LMAN1: variants seen among roughly 807,000 people sequenced by gnomAD.
The protein encoded by LMAN1 is lectin, mannose binding 1, also known as protein ERGIC-53.
A neutral mutation model predicts 67.8 loss-of-function variants in LMAN1; 32 were observed. The ratio of observed to expected loss-of-function variants is 0.47; its 90% CI spans 0.36 to 0.63. The LOEUF is 0.63. Among genes scored for constraint, LMAN1 ranks in the 30% least tolerant of loss-of-function variants. The pLI is 0.00. For missense variants in LMAN1, 632 were observed against 628.2 expected (o/e 1.01, Z -0.06); for synonymous variants, 235 against 219.3 (o/e 1.07, Z -0.63).
At chr18:59,355,705 A>C in intron 1 of LMAN1, 47 bp from the exon 2 acceptor site, 1 of 1,586,538 alleles carries the variant, frequency 6.3e-7, no homozygotes, top group Non-Finnish European at 8.6e-7. Flanking sequence ...TAATTAGGTA[A>C]AACTCAATGA....
chr18:59,333,469 T>C, intron 10 of LMAN1: 1 of 486,310 alleles, frequency 2.1e-6, no homozygotes, highest in Non-Finnish European at 3.7e-6. Context: ...AAATACCATG[T>C]AGAAAATACT....
At chr18:59,344,336 C>T (rs779516435) in intron 8 of LMAN1, among the ~76,000 whole-genome samples, 21 of 152,256 alleles carry the variant, frequency 1.4e-4, no homozygotes, top group African/African-American at 4.8e-4. Context: ...AAGATACTTG[C>T]ACTTATACGT....
In LMAN1 at chr18:59,329,314, TA is replaced by T. The variant is rs1200534939; in HGVS notation, c.*1778del. 6.6e-6 allele frequency: 1 copy of T among 152,180 alleles called. No homozygotes were observed. Among genetic ancestry groups the T allele is most frequent in the Non-Finnish European group, 1.5e-5 (1 of 68,010 alleles). The allele number at this position is 152,180 out of a possible 1,614,324, so 9.4% of individuals were successfully genotyped here. ...AAAAATGTATACTGCATAGATCTGG[TA>T]TTCCTTTAATGCACAGGCACATATG... On this transcript the variant is annotated 3_prime_UTR_variant, in exon 13 of 13. Coordinates refer to ENST00000251047, the MANE Select transcript of LMAN1 (RefSeq NM_005570.4).
chr18:59,353,475 G>GC (rs1244877937), intron 4 of LMAN1, among the ~76,000 whole-genome samples, 174 bp from the exon 5 acceptor site: 1 of 152,144 alleles, frequency 6.6e-6, no homozygotes, highest in Non-Finnish European at 1.5e-5. Context: ...CTACCCTAGG[G>GC]CAGAACATGA....
In LMAN1 at chr18:59,338,963, A is replaced by G; in HGVS notation, c.956-10T>C. 1 of 1,607,172 alleles carries G rather than the reference A, an allele frequency of 6.2e-7. No homozygotes were observed. The highest frequency in any genetic ancestry group is 1.1e-5 in the South Asian group (1 of 91,014). Reference sequence around the variant, plus strand: ...TCAAATATTTCCTCCGCTGAAAAGGAAATAAATAAAAATGATCAGAGTCAC... The same window carrying G: ...TCAAATATTTCCTCCGCTGAAAAGGGAATAAATAAAAATGATCAGAGTCAC... On this transcript the variant is annotated splice_polypyrimidine_tract_variant and intron_variant, in intron 8 of 12. Transcript: ENST00000251047.
chr18:59,357,991 TCA>T (rs1266273628), intron 1 of LMAN1, among the ~76,000 whole-genome samples: 1 of 145,264 alleles, frequency 6.9e-6, no homozygotes, highest in African/African-American at 2.5e-5. Flanking sequence ...AAAAGATTAA[TCA>T]CACACAAAGA....
chr18:59,349,785 T>C (rs941502971), intron 5 of LMAN1, among the ~76,000 whole-genome samples: 36 of 152,212 alleles, frequency 2.4e-4, no homozygotes, highest in African/African-American at 8.7e-4. Flanking sequence ...ACGTTTCTAC[T>C]TTGCAAAATG....
Position 59,359,182 on chromosome 18 carries a change from C to G in LMAN1, c.63G>C (p.Leu21=). ...CCCGGACGAAGCGACCGAGTGACAG[C>G]AGCAAGGCGCAGAACAGCGGCCGAA... The part of the protein sequence containing the change: ...ARVRPLFCAL[L]LSLGRFVRGD... Residue 21 remains leucine, a synonymous_variant, in exon 1 of 13, where the codon CTG becomes CTC. Transcript: ENST00000251047. 6.2e-7 allele frequency: 1 copy of G among 1,614,064 alleles called. No individual in the cohort carries two copies. The highest frequency in any genetic ancestry group is 1.3e-5 in the African/African-American group (1 of 75,064).
At chr18:59,348,608 C>T (rs1044526955) in intron 6 of LMAN1, among the ~76,000 whole-genome samples, 11 of 152,184 alleles carry the variant, frequency 7.2e-5, no homozygotes, top group Admixed American at 5.9e-4. Context: ...GGTAATTTAT[C>T]ACCTTATGTG....
intron 8 of LMAN1, 84 bp downstream of exon 8, chr18:59,345,835 C>G (rs1908387734): frequency 1.3e-6 from 2 of 1,495,154 alleles, no homozygotes; most frequent in Admixed American, 3.4e-5. Flanking sequence ...CAGGGATGAG[C>G]TAGGCAACAC....
intron 8 of LMAN1, among the ~76,000 whole-genome samples, chr18:59,340,170 G>A (rs917299481): frequency 8.5e-5 from 13 of 152,118 alleles, no homozygotes; most frequent in Admixed American, 2.6e-4. Flanking sequence ...TCCTTAGTCC[G>A]AGTTCAAGTT....
intron 4 of LMAN1, 90 bp downstream of exon 4, chr18:59,354,429 T>C: frequency 1.3e-6 from 1 of 767,698 alleles, no homozygotes; most frequent in South Asian, 1.5e-5. Flanking sequence ...TTTTTTTCAT[T>C]TGGAAGGTGT....
intron 8 of LMAN1, among the ~76,000 whole-genome samples, chr18:59,342,922 A>C (rs754989204): frequency 1.3e-5 from 2 of 151,948 alleles, no homozygotes; most frequent in Non-Finnish European, 2.9e-5. Context: ...CCACCAAAAA[A>C]CTCTTAGATT....
intron 10 of LMAN1, among the ~76,000 whole-genome samples, chr18:59,336,612 G>A (rs572267797): frequency 6.6e-6 from 1 of 152,282 alleles, no homozygotes; most frequent in South Asian, 2.1e-4. Context: ...GGCCAGGCGT[G>A]GTGGCTCACG....
In LMAN1 at chr18:59,327,848, A is replaced by G. The variant is rs1231064454; in HGVS notation, c.*3245T>C. On this transcript the variant is annotated 3_prime_UTR_variant, in exon 13 of 13. Transcript: ENST00000251047. ...TTTACTAAAATATTTCTTTATTTGA[A>G]TAAGGTCAATGCCATTTCTTGAATT... 1 of 152,250 alleles carries G rather than the reference A, an allele frequency of 6.6e-6. No homozygotes were observed. Among genetic ancestry groups the G allele is most frequent in the East Asian group, 1.9e-4 (1 of 5,204 alleles). 9.4% of individuals were successfully genotyped at this position (152,250 alleles called of 1,614,324 possible).
At chr18:59,354,352 A>T (rs997630347) in intron 4 of LMAN1, among the ~76,000 whole-genome samples, 167 bp downstream of exon 4, 7 of 152,232 alleles carry the variant, frequency 4.6e-5, no homozygotes, top group Non-Finnish European at 1.0e-4. Context: ...AGAACTTCAG[A>T]ACAGAACCAA....
chr18:59,346,150 T>A lies in LMAN1; in HGVS notation c.823-99A>T, dbSNP rs1350485559. ...TTTCTCATTTTAACTCTTCTACCAC[T>A]AGCGGAAAGGTTAACATAAAAATGT... On this transcript the variant is annotated intron_variant, in intron 7 of 12. Coordinates refer to ENST00000251047, the MANE Select transcript of LMAN1 (RefSeq NM_005570.4). 36 of 942,382 alleles carry A rather than the reference T, an allele frequency of 3.8e-5. 1 individual carries two copies. In the East Asian group the frequency reaches 8.4e-4, roughly 22 times the overall value. 58.4% of individuals were successfully genotyped at this position (942,382 alleles called of 1,614,324 possible). A position where few individuals can be genotyped will look rare whatever the true frequency, so the allele number is the denominator to read the frequency against.
chr18:59,340,386 A>T (rs1908260757), intron 8 of LMAN1, among the ~76,000 whole-genome samples: 1 of 152,170 alleles, frequency 6.6e-6, no homozygotes. Flanking sequence ...AATTAGCAAG[A>T]GAGAAGTATT....
At chr18:59,352,813 A>G (rs904587919) in intron 5 of LMAN1, 3 of 306,396 alleles carry the variant, frequency 9.8e-6, no homozygotes, top group Admixed American at 8.8e-5. Flanking sequence ...GGAATGATAC[A>G]TTTGTGTGTC....
Sources: gnomAD v4.1 joint callset for allele counts (sites outside exome capture counted in the v4.1 genomes callset) on GRCh38, gnomAD v4.1.1 for gene constraint, MANE v1.5 for transcripts, NCBI Gene and HGNC (gene_info 2026-07-23, HGNC 2026-07-21) for gene names.